The following AP2A2 variants were observed in gnomAD, a reference collection of about 807,000 sequenced individuals.
AP2A2 encodes adaptor related protein complex 2 subunit alpha 2.
Under a neutral mutation model 104.2 loss-of-function variants are expected in AP2A2, and 32 were observed. The ratio of observed to expected loss-of-function variants is 0.31; its 90% confidence interval spans 0.23 to 0.41. The LOEUF is 0.41. Among genes scored for constraint, AP2A2 ranks in the 10% least tolerant of loss-of-function variants. The probability of loss-of-function intolerance (pLI) is 1.00; values close to 1 mark genes in which losing one functional copy is unlikely to be tolerated. For synonymous variants in AP2A2, 539 were observed against 533.3 expected (o/e 1.01, Z -0.15); for missense variants, 912 against 1,261.0 (o/e 0.72, Z 4.19).
rs1338549182 is a variant in AP2A2 at position 937,762 on chromosome 11, T to C, written c.67+11674T>C. On this transcript the variant is annotated intron_variant, in intron 1 of 21. Transcript: ENST00000448903. ...TGGGCACTTGATGTACGATTTCTAC[T>C]GAGTGCGTGTTGCTTTCATGCCATT... 2.6e-5 allele frequency among the ~76,000 whole-genome samples: 4 copies of C among 152,282 alleles called. No individual in the cohort carries two copies. In the East Asian group the frequency reaches 7.7e-4, roughly 29 times the overall value.
chr11:968,305 C>T lies in AP2A2; in HGVS notation c.137-1864C>T, dbSNP rs1341657247. On this transcript the variant is annotated intron_variant, in intron 2 of 21. Transcript: ENST00000448903. The surrounding 1 kb of genome is among the most constrained non-coding windows in gnomAD (Gnocchi z 4.2). ...CACCCTCACTGACCAGTGGGCTCAG[C>T]TTCTAAAGGTGGGCCTAAGTTTCCC... Among the ~76,000 whole-genome samples, 1 of 152,212 alleles carries T rather than the reference C, an allele frequency of 6.6e-6. No homozygotes were observed. Among genetic ancestry groups the T allele is most frequent in the African/African-American group, 2.4e-5 (1 of 41,452 alleles).
chr11:945,893 T>C (rs549247862), intron 1 of AP2A2, among the ~76,000 whole-genome samples: 1 of 152,282 alleles, frequency 6.6e-6, no homozygotes, highest in African/African-American at 2.4e-5. Context: ...GATGGATTGC[T>C]TTGGTCCAGA....
intron 7 of AP2A2, among the ~76,000 whole-genome samples, chr11:985,044 C>A (rs1197146127): frequency 6.6e-6 from 1 of 152,144 alleles, no homozygotes; most frequent in East Asian, 1.9e-4. Flanking sequence ...AGTGCAGTGA[C>A]GCGACCTCAG....
chr11:983,423 C>T (rs541662328), intron 6 of AP2A2, among the ~76,000 whole-genome samples: 4 of 151,680 alleles, frequency 2.6e-5, no homozygotes, highest in East Asian at 2.0e-4. Flanking sequence ...CACTCTGTCG[C>T]CCAGGCTGGA....
At chr11:991,192 G>A (rs1590002080) in intron 10 of AP2A2, among the ~76,000 whole-genome samples, 1 of 152,198 alleles carries the variant, frequency 6.6e-6, no homozygotes, top group African/African-American at 2.4e-5. Flanking sequence ...CCTTTCAGTC[G>A]AGCATGGCAG....
chr11:972,576 C>T (rs1046445726), intron 4 of AP2A2, among the ~76,000 whole-genome samples: 5 of 152,228 alleles, frequency 3.3e-5, no homozygotes, highest in East Asian at 3.9e-4. Flanking sequence ...GTGCTCCTGT[C>T]GTCCCAGCTA....
intron 2 of AP2A2, among the ~76,000 whole-genome samples, chr11:965,589 A>G (rs1854587453): frequency 2.0e-5 from 3 of 152,266 alleles, no homozygotes; most frequent in Admixed American, 6.5e-5. Flanking sequence ...TACCTCTGCT[A>G]TGGTAAGGAT....
At chr11:938,049 A>G (rs1202834564) in intron 1 of AP2A2, among the ~76,000 whole-genome samples, 2 of 152,106 alleles carry the variant, frequency 1.3e-5, no homozygotes, top group South Asian at 2.1e-4. Flanking sequence ...AAAACAAGAA[A>G]CAAAACGCAT....
chr11:949,843 T>C (rs540918378), intron 1 of AP2A2, among the ~76,000 whole-genome samples: 1 of 151,180 alleles, frequency 6.6e-6, no homozygotes, highest in Admixed American at 6.6e-5. Context: ...GAATGCAAGG[T>C]TGGCTTAACA....
At chr11:943,693 C>T (rs1853731996) in intron 1 of AP2A2, among the ~76,000 whole-genome samples, 1 of 145,106 alleles carries the variant, frequency 6.9e-6, no homozygotes, top group Admixed American at 7.0e-5. Context: ...GAGAGTCCGA[C>T]CGGAGATGCA....
chr11:991,856 C>T (rs1011072388), intron 10 of AP2A2, among the ~76,000 whole-genome samples: 5 of 151,934 alleles, frequency 3.3e-5, no homozygotes, highest in Admixed American at 6.6e-5. Flanking sequence ...TGGCAGCTGG[C>T]GCTGTTCGAA....
At chr11:932,958 C>T (rs1427697132) in intron 1 of AP2A2, among the ~76,000 whole-genome samples, 1 of 152,164 alleles carries the variant, frequency 6.6e-6, no homozygotes. Flanking sequence ...GATTAAATGG[C>T]ATTTCCTTGG....
Position 992,645 on chromosome 11 carries a change from G to A in AP2A2, c.1412G>A (p.Arg471Gln), listed in dbSNP as rs781413867. The change falls in exon 11 of 22, where the codon CGG becomes CAG. Residue 471 changes from arginine to glutamine, a missense_variant. Around this residue, in one of 7 missense-constraint regions of AP2A2, gnomAD observed 21 missense variants for 62.0 expected, o/e 0.34. Transcript: ENST00000448903. The surrounding 1 kb of genome is among the most constrained non-coding windows in gnomAD (Gnocchi z 6.4). The stretch of plus-strand genomic sequence containing the variant: ...CGAGTCATTCAGATCGTCATCAACC[G>A]GGACGACGTGCAGGGCTACGCGGCC... ...WYRVIQIVIN[R>Q]DDVQGYAAKT... is the part of the protein sequence containing the mutation. 6.2e-7 allele frequency: 1 copy of A among 1,613,962 alleles called. No homozygotes were observed. The highest frequency in any genetic ancestry group is 8.5e-7 in the Non-Finnish European group (1 of 1,179,900).
In AP2A2 at chr11:994,140, G is replaced by C; in HGVS notation, c.1851G>C (p.Lys617Asn). The C allele has an allele frequency of 6.2e-7, 1 of 1,613,152 alleles. No individual in the cohort carries two copies. Among genetic ancestry groups the C allele is most frequent in the Non-Finnish European group, 8.5e-7 (1 of 1,179,844 alleles). Residue 617 changes from lysine to asparagine, a missense_variant, in exon 14 of 22, where the codon AAG becomes AAC. Coordinates refer to ENST00000448903, the MANE Select transcript of AP2A2 (RefSeq NM_012305.4). Reference sequence around the variant, plus strand: ...CCTCCATCTTGGCAAAGCTCAAGAAGAAGAAGGGCCCCAGCACGGTGACAG... The same window carrying C: ...CCTCCATCTTGGCAAAGCTCAAGAACAAGAAGGGCCCCAGCACGGTGACAG... The part of the protein sequence containing the change: ...RESSILAKLK[K>N]KKGPSTVTDL...
chr11:999,578 C>G (rs1029731352), intron 14 of AP2A2, among the ~76,000 whole-genome samples: 7 of 152,144 alleles, frequency 4.6e-5, no homozygotes, highest in East Asian at 1.9e-4. Flanking sequence ...GTCTTTCTGT[C>G]TCAACCTTCC....
intron 10 of AP2A2, among the ~76,000 whole-genome samples, chr11:989,220 C>T (rs538164152): frequency 4.6e-5 from 7 of 152,062 alleles, no homozygotes; most frequent in East Asian, 3.9e-4. Context: ...CCAGCTACTC[C>T]GGAGGCTGAG....
rs970948723 is a variant in AP2A2 at position 1,009,703 on chromosome 11, A to C, written c.2628A>C (p.Ala876=). The change falls in exon 21 of 22, where the codon GCA becomes GCC. Residue 876 remains alanine (A), a synonymous_variant. Transcript: ENST00000448903. ...TKAKIIGFGS[A]LLEEVDPNPA... ...GACAGATCATTGGATTTGGTTCTGC[A>C]CTTCTTGAAGAAGTTGATCCTAATC... 1.5e-5 allele frequency: 23 copies of C among 1,572,210 alleles called. No homozygotes were observed. The highest frequency in any genetic ancestry group is 2.0e-5 in the Non-Finnish European group (23 of 1,157,726).
intron 1 of AP2A2, among the ~76,000 whole-genome samples, chr11:953,500 A>G (rs1193086444): frequency 1.3e-5 from 2 of 151,780 alleles, no homozygotes; most frequent in African/African-American, 4.8e-5. Flanking sequence ...AGTTTTCCTG[A>G]ACTGTCAGAG....
intron 5 of AP2A2, among the ~76,000 whole-genome samples, chr11:977,932 G>A (rs962571269): frequency 6.6e-6 from 1 of 152,164 alleles, no homozygotes. Context: ...CCATGTTGCC[G>A]TGAGCCCCAT....
Sources: allele counts gnomAD v4.1 joint callset (sites outside exome capture counted in the v4.1 genomes callset), GRCh38; gene constraint gnomAD v4.1.1; regional missense constraint gnomAD v4.1.1; non-coding constraint Gnocchi (gnomAD v3.1); transcripts MANE v1.5; gene names NCBI Gene and HGNC (gene_info 2026-07-23, HGNC 2026-07-21).